AIG1: variants seen among roughly 807,000 people sequenced by gnomAD.
AIG1 encodes the protein androgen-induced gene 1 protein.
In AIG1, 23 loss-of-function variants were observed where a neutral mutation model predicts 31.4. The observed-to-expected ratio is 0.73, with a 90% CI of 0.53 to 1.04. AIG1 has a LOEUF of 1.04. Among genes scored for constraint, AIG1 ranks in the 50% least tolerant of loss-of-function variants. The probability of loss-of-function intolerance (pLI) is 0.00; values close to 1 mark genes in which losing one functional copy is unlikely to be tolerated. For missense variants in AIG1, 274 were observed against 295.0 expected (o/e 0.93, Z 0.52); for synonymous variants, 100 against 110.5 (o/e 0.90, Z 0.60).
At chr6:143,161,880 T>C (rs529496825) in intron 2 of AIG1, among the ~76,000 whole-genome samples, 2 of 152,198 alleles carry the variant, frequency 1.3e-5, no homozygotes, top group African/African-American at 4.8e-5. Context: ...TTCCCTAAGA[T>C]AGAGATGAAG....
intron 4 of AIG1, among the ~76,000 whole-genome samples, chr6:143,285,719 A>G (rs1430995355): frequency 6.6e-6 from 1 of 152,094 alleles, no homozygotes; most frequent in Non-Finnish European, 1.5e-5. Context: ...TGCAAGGACT[A>G]GGGAAGTATT....
At chr6:143,300,495 C>A (rs1798750587) in intron 4 of AIG1, among the ~76,000 whole-genome samples, 1 of 152,126 alleles carries the variant, frequency 6.6e-6, no homozygotes, top group Non-Finnish European at 1.5e-5. Flanking sequence ...CCAGGATTCC[C>A]AGTGTAATCT....
At chr6:143,097,137 G>A (rs1779868530) in intron 1 of AIG1, among the ~76,000 whole-genome samples, 1 of 151,562 alleles carries the variant, frequency 6.6e-6, no homozygotes, top group Non-Finnish European at 1.5e-5. Flanking sequence ...GACTTAAATT[G>A]TAAAGGAAAA....
At chr6:143,205,777 G>A (rs1791061522) in intron 3 of AIG1, among the ~76,000 whole-genome samples, 1 of 152,156 alleles carries the variant, frequency 6.6e-6, no homozygotes, top group East Asian at 1.9e-4. Context: ...ACACTCTAGG[G>A]CATTCATGAG....
Position 143,110,432 on chromosome 6 carries a change from A to T in AIG1, c.142-26403A>T, listed in dbSNP as rs73777874. Among the ~76,000 whole-genome samples, 446 of 152,328 alleles carry T rather than the reference A, an allele frequency of 2.9e-3. 5 individuals are homozygous for T. Among genetic ancestry groups the T allele is most frequent in the African/African-American group, 0.01 (431 of 41,570 alleles). On this transcript the variant is annotated intron_variant, in intron 1 of 5. Transcript: ENST00000357847. Reference sequence around the variant, plus strand: ...GACATTTTTCAATATTGTACCTTCCAGGAACCTAGTAGATGCCTCCATTTC... The same window carrying T: ...GACATTTTTCAATATTGTACCTTCCTGGAACCTAGTAGATGCCTCCATTTC...
chr6:143,284,006 C>T lies in AIG1; in HGVS notation c.400-104C>T. ...GAGCCATAGACTTCTTTCTGCCTGA[C>T]ACTTTCCTAGGAATTTATAGTGTGC... On this transcript the variant is annotated intron_variant, in intron 3 of 5. Transcript: ENST00000357847. This position sits in a 1 kb window ranked among gnomAD's most constrained non-coding sequence, Gnocchi z 4.4. 1 of 743,398 alleles carries T rather than the reference C, an allele frequency of 1.3e-6. No individual in the cohort carries two copies. 46.1% of individuals were successfully genotyped at this position (743,398 alleles called of 1,614,324 possible). A position where few individuals can be genotyped will look rare whatever the true frequency, so the allele number is the denominator to read the frequency against.
chr6:143,338,508 G>A lies in AIG1; in HGVS notation c.680-1131G>A, dbSNP rs1777673454. ...AGCACAAAACATATACCAGGAGCTG[G>A]GGTTATGTGGTGGGGGAGTCCTTCC... On this transcript the variant is annotated intron_variant, in intron 5 of 5. Transcript: ENST00000357847. The surrounding 1 kb of genome is among the most constrained non-coding windows in gnomAD (Gnocchi z 4.3). The A allele has an allele frequency of 1.3e-5, 2 of 152,580 alleles. No homozygotes were observed. Among genetic ancestry groups the A allele is most frequent in the South Asian group, 2.1e-4 (1 of 4,824 alleles). The allele number at this position is 152,580 out of a possible 1,614,324, so 9.5% of individuals were successfully genotyped here. A position where few individuals can be genotyped will look rare whatever the true frequency, so the allele number is the denominator to read the frequency against.
chr6:143,268,849 G>C lies in AIG1; in HGVS notation c.400-15261G>C, dbSNP rs779022978. On this transcript the variant is annotated intron_variant, in intron 3 of 5. Transcript: ENST00000357847. The surrounding 1 kb of genome is among the most constrained non-coding windows in gnomAD (Gnocchi z 5.0). ...GCAGGTGGGAGTGCCGTCAGTTTCA[G>C]CCCTCTGCTCTAAGCCCTCTCCAGA... 9.2e-5 allele frequency among the ~76,000 whole-genome samples: 14 copies of C among 152,182 alleles called. No individual in the cohort carries two copies. Among genetic ancestry groups the C allele is most frequent in the Non-Finnish European group, 2.1e-4 (14 of 68,026 alleles).
At chr6:143,167,487 C>T (rs2128568109) in intron 3 of AIG1, among the ~76,000 whole-genome samples, 1 of 152,278 alleles carries the variant, frequency 6.6e-6, no homozygotes, top group Admixed American at 6.5e-5. Context: ...AAGTCTCGGC[C>T]ACTTTGGCTT....
chr6:143,257,715 T>G (rs1034872243), intron 3 of AIG1, among the ~76,000 whole-genome samples: 1 of 152,178 alleles, frequency 6.6e-6, no homozygotes, highest in Non-Finnish European at 1.5e-5. Flanking sequence ...TTAGCCAGGG[T>G]GTTTTTAATC....
chr6:143,331,379 G>T lies in AIG1; in HGVS notation c.516-1903G>T, dbSNP rs1756802433. On this transcript the variant is annotated intron_variant, in intron 4 of 5. Coordinates refer to ENST00000357847, the MANE Select transcript of AIG1 (RefSeq NM_016108.4). The surrounding 1 kb of genome is among the most constrained non-coding windows in gnomAD (Gnocchi z 4.1). Reference sequence around the variant, plus strand: ...TATTCTCCACTCCCCCGAGTCCCTGGTAACTGATAGATACCATGCTTTCTG... The same window carrying T: ...TATTCTCCACTCCCCCGAGTCCCTGTTAACTGATAGATACCATGCTTTCTG... Among the ~76,000 whole-genome samples the T allele has an allele frequency of 6.6e-6, 1 of 151,822 alleles. No individual in the cohort carries two copies. The highest frequency in any genetic ancestry group is 2.4e-5 in the African/African-American group (1 of 41,314).
rs1305102668 is a variant in AIG1, at chr6:143,307,565, A to G, written c.515+23340A>G. On this transcript the variant is annotated intron_variant, in intron 4 of 5. Transcript: ENST00000357847. Reference sequence around the variant, plus strand: ...GTCTGATCGTTCCTCTGGAAGTTTTATCTCAGAGGAGTACCTGGCAGTGTG... The same window carrying G: ...GTCTGATCGTTCCTCTGGAAGTTTTGTCTCAGAGGAGTACCTGGCAGTGTG... 7.9e-5 allele frequency among the ~76,000 whole-genome samples: 12 copies of G among 152,196 alleles called. No individual in the cohort carries two copies. The South Asian group carries it at 1.5e-3, about 18-fold the overall frequency.
chr6:143,124,879 C>A (rs772081593), intron 1 of AIG1, among the ~76,000 whole-genome samples: 6 of 152,136 alleles, frequency 3.9e-5, no homozygotes, highest in Admixed American at 3.9e-4. Flanking sequence ...ATTACCTCCA[C>A]CTGGTCCTGC....
chr6:143,238,237 G>A (rs944703698), intron 3 of AIG1, among the ~76,000 whole-genome samples: 9 of 152,104 alleles, frequency 5.9e-5, no homozygotes, highest in East Asian at 3.8e-4. Context: ...CACCGCACCC[G>A]GCCCCATTTT....
downstream of AIG1, among the ~76,000 whole-genome samples, chr6:143,341,545 A>G (rs1468103153): frequency 6.6e-6 from 1 of 152,200 alleles, no homozygotes; most frequent in African/African-American, 2.4e-5. Context: ...GAATTAGGAC[A>G]CACAAAGGGA....
intron 3 of AIG1, among the ~76,000 whole-genome samples, chr6:143,212,663 C>T (rs571879852): frequency 6.6e-6 from 1 of 152,276 alleles, no homozygotes; most frequent in South Asian, 2.1e-4. Flanking sequence ...CTCGGTGCCT[C>T]AGGGTGCCAC....
chr6:143,303,998 G>C lies in AIG1; in HGVS notation c.515+19773G>C, dbSNP rs868312631. Among the ~76,000 whole-genome samples the C allele has an allele frequency of 6.8e-5, 10 of 146,270 alleles. 1 individual carries two copies. The highest frequency in any genetic ancestry group is 1.7e-4 in the African/African-American group (7 of 40,132). ...ATTCTCTTTGAAGCAATTGTGAATGGGAGTTCACTCATGATTTGGCTCTCT... is the reference window on the plus strand; with the variant it reads ...ATTCTCTTTGAAGCAATTGTGAATGCGAGTTCACTCATGATTTGGCTCTCT... On this transcript the variant is annotated intron_variant, in intron 4 of 5. Coordinates refer to ENST00000357847, the MANE Select transcript of AIG1 (RefSeq NM_016108.4).
chr6:143,202,394 G>A (rs1010127617), intron 3 of AIG1, among the ~76,000 whole-genome samples: 6 of 151,990 alleles, frequency 3.9e-5, no homozygotes, highest in Non-Finnish European at 8.8e-5. Flanking sequence ...TCTAAAATTG[G>A]GTCATGCAAC....
chr6:143,063,948 A>G (rs1394008468), intron 1 of AIG1, among the ~76,000 whole-genome samples: 1 of 152,176 alleles, frequency 6.6e-6, no homozygotes, highest in Non-Finnish European at 1.5e-5. Context: ...TGAAATACAC[A>G]TTGTTGCTAC....
Sources: allele counts gnomAD v4.1 joint callset (sites outside exome capture counted in the v4.1 genomes callset), GRCh38; gene constraint gnomAD v4.1.1; non-coding constraint Gnocchi (gnomAD v3.1); transcripts MANE v1.5; gene names NCBI Gene and HGNC (gene_info 2026-07-23, HGNC 2026-07-21).